DYNC1I1: variants seen among roughly 807,000 people sequenced by gnomAD.
The protein encoded by DYNC1I1 is cytoplasmic dynein 1 intermediate chain 1.
DYNC1I1 carries 43 observed loss-of-function variants against 86.6 expected under a neutral mutation model. The observed-to-expected ratio is 0.50, with a 90% CI of 0.39 to 0.64. The LOEUF is 0.64. Ranked by LOEUF, DYNC1I1 falls within the 30% of genes least tolerant of loss-of-function variation. The probability of loss-of-function intolerance (pLI) is 0.00; values close to 1 mark genes in which losing one functional copy is unlikely to be tolerated. For missense variants in DYNC1I1, 604 were observed against 788.8 expected (o/e 0.77, Z 2.81); for synonymous variants, 262 against 283.7 (o/e 0.92, Z 0.77).
At chr7:96,014,444 T>G (rs945937483) in intron 10 of DYNC1I1, among the ~76,000 whole-genome samples, 1 of 152,162 alleles carries the variant, frequency 6.6e-6, no homozygotes. Context: ...GCACACCGTG[T>G]GGATTACAAA....
intron 5 of DYNC1I1, among the ~76,000 whole-genome samples, chr7:95,858,935 A>G (rs989630636): frequency 6.8e-6 from 1 of 146,000 alleles, no homozygotes; most frequent in East Asian, 2.0e-4. Flanking sequence ...TATATTATAT[A>G]TTATATTAAT....
At chr7:96,014,874 G>A (rs1017610018) in intron 10 of DYNC1I1, among the ~76,000 whole-genome samples, 5 of 152,138 alleles carry the variant, frequency 3.3e-5, no homozygotes, top group Non-Finnish European at 5.9e-5. Context: ...TAAAAGGAGG[G>A]TGGTCTTACC....
chr7:95,843,837 T>C (rs1270102900), intron 5 of DYNC1I1, among the ~76,000 whole-genome samples: 4 of 152,082 alleles, frequency 2.6e-5, no homozygotes, highest in Admixed American at 1.3e-4. Context: ...TATAATAGAT[T>C]AGGTGAATTG....
At chr7:96,001,595 A>C (rs2115792877) in intron 10 of DYNC1I1, among the ~76,000 whole-genome samples, 1 of 152,288 alleles carries the variant, frequency 6.6e-6, no homozygotes. Context: ...ATAACTGGTA[A>C]GGTTATACTG....
At chr7:95,775,175 G>T (rs893023382) in intron 1 of DYNC1I1, among the ~76,000 whole-genome samples, 1 of 152,178 alleles carries the variant, frequency 6.6e-6, no homozygotes, top group Non-Finnish European at 1.5e-5. Flanking sequence ...AGTAACTTTT[G>T]CTCAGCTACT....
intron 6 of DYNC1I1, among the ~76,000 whole-genome samples, chr7:95,891,197 C>T (rs1026304016): frequency 2.0e-5 from 3 of 152,156 alleles, no homozygotes; most frequent in Admixed American, 6.5e-5. Context: ...CAGAAGAAAC[C>T]AGCCTGCTGA....
intron 6 of DYNC1I1, among the ~76,000 whole-genome samples, chr7:95,968,895 C>G (rs930784773): frequency 1.4e-5 from 2 of 146,618 alleles, no homozygotes; most frequent in Non-Finnish European, 3.0e-5. Context: ...CATATGTGGA[C>G]AGCTACACAT....
chr7:95,915,033 C>G (rs1791432333), intron 6 of DYNC1I1, among the ~76,000 whole-genome samples: 1 of 152,140 alleles, frequency 6.6e-6, no homozygotes, highest in African/African-American at 2.4e-5. Flanking sequence ...TTGCTTGACC[C>G]TGAAATGAAT....
intron 14 of DYNC1I1, among the ~76,000 whole-genome samples, chr7:96,041,844 C>A (rs903124993): frequency 6.6e-6 from 1 of 151,996 alleles, no homozygotes; most frequent in African/African-American, 2.4e-5. Context: ...AGCTAGACTT[C>A]TTTGAATATA....
At chr7:96,004,221 A>G (rs932233292) in intron 10 of DYNC1I1, among the ~76,000 whole-genome samples, 7 of 152,174 alleles carry the variant, frequency 4.6e-5, no homozygotes, top group East Asian at 1.9e-4. Context: ...TTACTTTTAA[A>G]TGGTATGTTC....
intron 6 of DYNC1I1, among the ~76,000 whole-genome samples, chr7:95,938,592 G>A (rs1392687638): frequency 6.6e-6 from 1 of 152,030 alleles, no homozygotes; most frequent in Non-Finnish European, 1.5e-5. Context: ...TTTTCACCTT[G>A]GACAAGTTAT....
At chr7:95,991,601 T>G (rs1483052016) in intron 9 of DYNC1I1, among the ~76,000 whole-genome samples, 5 of 152,194 alleles carry the variant, frequency 3.3e-5, no homozygotes, top group African/African-American at 9.6e-5. Context: ...TTGGCTCAGC[T>G]GGGTCAAGTA....
At chr7:95,773,239 A>G (rs1181399021) in intron 1 of DYNC1I1, among the ~76,000 whole-genome samples, 1 of 152,220 alleles carries the variant, frequency 6.6e-6, no homozygotes, top group African/African-American at 2.4e-5. Flanking sequence ...AAGCTCTTAG[A>G]TGCTGTCACT....
At chr7:95,960,265 C>T (rs319337) in intron 6 of DYNC1I1, among the ~76,000 whole-genome samples, 40,533 of 151,942 alleles carry the variant, frequency 0.27, 5,919 homozygotes, top group East Asian at 0.64. Context: ...CACCACCACT[C>T]CTGGCTAATT....
chr7:95,953,744 G>A (rs1024656480), intron 6 of DYNC1I1, among the ~76,000 whole-genome samples: 1 of 152,166 alleles, frequency 6.6e-6, no homozygotes, highest in African/African-American at 2.4e-5. Context: ...GATTACCTCT[G>A]CAGTTTGCCG....
intron 6 of DYNC1I1, among the ~76,000 whole-genome samples, chr7:95,873,845 A>G (rs1211972525): frequency 6.6e-6 from 1 of 152,178 alleles, no homozygotes. Context: ...TCAATTTCCC[A>G]TTATTTCCTG....
chr7:96,081,338 A>G (rs1216333342), intron 16 of DYNC1I1, among the ~76,000 whole-genome samples: 1 of 151,930 alleles, frequency 6.6e-6, no homozygotes, highest in Non-Finnish European at 1.5e-5. Context: ...AGGAAAAAAA[A>G]AAACAACTAC....
chr7:95,837,851 G>T (rs1468750309), intron 5 of DYNC1I1, among the ~76,000 whole-genome samples: 1 of 152,270 alleles, frequency 6.6e-6, no homozygotes, highest in Non-Finnish European at 1.5e-5. Context: ...CGCACCCACT[G>T]ACCTGCGTCC....
chr7:95,958,432 G>A (rs1385647986), intron 6 of DYNC1I1, among the ~76,000 whole-genome samples: 1 of 151,858 alleles, frequency 6.6e-6, no homozygotes, highest in African/African-American at 2.4e-5. Context: ...CTCTACAAAT[G>A]TTTTTTTTAA....
Sources: allele counts gnomAD v4.1 joint callset (sites outside exome capture counted in the v4.1 genomes callset), GRCh38; gene constraint gnomAD v4.1.1; transcripts MANE v1.5; gene names NCBI Gene and HGNC (gene_info 2026-07-23, HGNC 2026-07-21).